PFKP: variants seen among roughly 807,000 people sequenced by gnomAD.
PFKP encodes phosphofructokinase, platelet, also known as ATP-dependent 6-phosphofructokinase, platelet type.
In PFKP, 101 loss-of-function variants were observed where a neutral mutation model predicts 94.3. The ratio of observed to expected loss-of-function variants is 1.07; its 90% CI spans 0.91 to 1.26. The LOEUF (loss-of-function observed/expected upper bound fraction) is 1.26, where lower values mean the gene tolerates loss of function less well. Ranked by LOEUF, PFKP falls within the 50% of genes most tolerant of loss-of-function variation. The pLI, the probability that PFKP is intolerant of heterozygous loss-of-function variation, is 0.00. For missense variants in PFKP, 1,145 were observed against 1,103.3 expected, an observed-to-expected ratio of 1.04 and a Z score of -0.53; for synonymous variants, 573 against 432.6, an observed-to-expected ratio of 1.32 and a Z score of -4.03.
chr10:3,095,912 CAG>C (rs1291755259), intron 2 of PFKP, among the ~76,000 whole-genome samples: 3 of 152,090 alleles, frequency 2.0e-5, no homozygotes, highest in African/African-American at 7.2e-5. Context: ...ATGCACTAGA[CAG>C]GGAGCATTGG....
At chr10:3,080,896 CAG>C (rs1424113623) in intron 1 of PFKP, among the ~76,000 whole-genome samples, 2 of 152,046 alleles carry the variant, frequency 1.3e-5, no homozygotes, top group Non-Finnish European at 2.9e-5. Flanking sequence ...GCGCCAGAGA[CAG>C]AGAAGAAAGT....
intron 10 of PFKP, among the ~76,000 whole-genome samples, chr10:3,109,870 G>A (rs557144703): frequency 5.3e-5 from 8 of 152,040 alleles, no homozygotes; most frequent in African/African-American, 7.2e-5. Flanking sequence ...GCAGGGAGGC[G>A]GGCGTGAGAG....
intron 7 of PFKP, among the ~76,000 whole-genome samples, chr10:3,105,890 C>T (rs1835494962): frequency 6.6e-6 from 1 of 152,204 alleles, no homozygotes; most frequent in African/African-American, 2.4e-5. Flanking sequence ...AGTTAATCCA[C>T]ATCATGGAGT....
rs1835551372 is a variant in PFKP at position 3,106,275 on chromosome 10, CAT to C, written c.774+775_774+776del. Among the ~76,000 whole-genome samples the C allele has an allele frequency of 2.1e-4, 12 of 57,708 alleles. 2 individuals are homozygous for C. The highest frequency in any genetic ancestry group is 2.0e-3 in the Admixed American group (10 of 4,948). The allele number at this position is 57,708 out of a possible 152,430, so 37.9% of individuals were successfully genotyped here. ...GTCCTTCCCCATGGGAGGCAGAAAG[CAT>C]GGCGTGCACGGGGCGCCTGTGGGGC... is the stretch of plus-strand genomic sequence containing the variant. On this transcript the variant is annotated intron_variant, in intron 7 of 21. Coordinates refer to ENST00000381125, the MANE Select transcript of PFKP (RefSeq NM_002627.5).
chr10:3,123,858 G>T (rs1837659911), intron 16 of PFKP, among the ~76,000 whole-genome samples: 1 of 152,256 alleles, frequency 6.6e-6, no homozygotes, highest in South Asian at 2.1e-4. Context: ...CCTGCACAGA[G>T]CGGCCCAAGA....
At chr10:3,078,743 C>T (rs1177866649) in intron 1 of PFKP, among the ~76,000 whole-genome samples, 3 of 152,222 alleles carry the variant, frequency 2.0e-5, no homozygotes, top group Non-Finnish European at 4.4e-5. Flanking sequence ...GTGTCAGGAG[C>T]TCTGCAGGCT....
intron 1 of PFKP, among the ~76,000 whole-genome samples, chr10:3,080,516 C>CAAAAAAAAAA (rs869281524): frequency 1.5e-5 from 1 of 68,666 alleles, no homozygotes; most frequent in African/African-American, 6.4e-5. Context: ...GACTCCGTCT[C>CAAAAAAAAAA]AAAAAAAAAA....
chr10:3,084,818 T>TTCCACCTCGTCCCAAGCACAGTCC (rs1229408544), intron 2 of PFKP, among the ~76,000 whole-genome samples: 7 of 43,000 alleles, frequency 1.6e-4, no homozygotes, highest in Non-Finnish European at 3.3e-4. Flanking sequence ...CAGTACAGTC[T>TTCCACCTCGTCCCAAGCACAGTCC]TCCACCTCGT....
rs77672781 is a variant in PFKP, at chr10:3,126,490, C to T, written c.1684-3329C>T. 3.0e-3 allele frequency among the ~76,000 whole-genome samples: 463 copies of T among 152,332 alleles called. 3 individuals carry two copies. The highest frequency in any genetic ancestry group is 0.01 in the African/African-American group (431 of 41,578). Reference sequence around the variant, plus strand: ...CACTTCCACCCTCGCGCCCCACACGCGACGCAGCCCTACCCTGGCCAGCAG... The same window carrying T: ...CACTTCCACCCTCGCGCCCCACACGTGACGCAGCCCTACCCTGGCCAGCAG... On this transcript the variant is annotated intron_variant, in intron 16 of 21. Coordinates refer to ENST00000381125, the MANE Select transcript of PFKP (RefSeq NM_002627.5).
rs144256759 is a variant in PFKP at position 3,134,386 on chromosome 10, A to G, written c.2023-97A>G. The G allele has an allele frequency of 1.2e-3, 908 of 773,456 alleles. 7 individuals are homozygous for G. Among genetic ancestry groups the G allele is most frequent in the Non-Finnish European group, 3.7e-4 (167 of 453,862 alleles). The allele number at this position is 773,456 out of a possible 1,614,324, so 47.9% of individuals were successfully genotyped here. A position where few individuals can be genotyped will look rare whatever the true frequency, so the allele number is the denominator to read the frequency against. The stretch of plus-strand genomic sequence containing the variant: ...GTTCCAACTATAAGGACCTAGAAAT[A>G]AAAACATGAATTCTGCAAAATAGAA... On this transcript the variant is annotated intron_variant, in intron 19 of 21. Coordinates refer to ENST00000381125, the MANE Select transcript of PFKP (RefSeq NM_002627.5).
At chr10:3,091,169 A>C (rs1003172755) in intron 2 of PFKP, among the ~76,000 whole-genome samples, 8 of 152,194 alleles carry the variant, frequency 5.3e-5, no homozygotes, top group African/African-American at 1.9e-4. Flanking sequence ...TTTGCCAGTT[A>C]ACCCATTCCT....
rs1348661841 is a variant in PFKP, at chr10:3,109,076, T to A, written c.964-279T>A. ...AATCCCAGGGCAGAAAGGCTGTGTT[T>A]CTAGTGAGTTTCTGGAAACTGACTC... On this transcript the variant is annotated intron_variant, in intron 9 of 21. Coordinates refer to ENST00000381125, the MANE Select transcript of PFKP (RefSeq NM_002627.5). Among the ~76,000 whole-genome samples the A allele has an allele frequency of 2.6e-3, 7 of 2,732 alleles. No individual in the cohort carries two copies. The East Asian group carries it at 0.5, about 195-fold the overall frequency. The allele number at this position is 2,732 out of a possible 152,430, so 1.8% of individuals were successfully genotyped here.
At chr10:3,109,166 A>T (rs1313192537) in intron 9 of PFKP, among the ~76,000 whole-genome samples, 189 bp from the exon 10 acceptor site, 3 of 151,854 alleles carry the variant, frequency 2.0e-5, no homozygotes, top group Non-Finnish European at 2.9e-5. Flanking sequence ...ATGTGCCCTG[A>T]CCTCCTCTCT....
At position 3,113,220 on chromosome 10, in the gene PFKP, C is replaced by T. The variant is rs552905949; in HGVS notation, c.1224+32C>T. The T allele has an allele frequency of 1.6e-5, 25 of 1,601,318 alleles. 1 individual carries two copies. In the South Asian group the frequency reaches 2.8e-4, roughly 18 times the overall value. ...GGCCGGCCTCCCGCGATGCCCCGAC[C>T]TCTCCTGCGGGCCTCCCCTCATGGC... is the stretch of plus-strand genomic sequence containing the variant. On this transcript the variant is annotated intron_variant, in intron 12 of 21. Coordinates refer to ENST00000381125, the MANE Select transcript of PFKP (RefSeq NM_002627.5).
chr10:3,096,544 C>A (rs1290186924), intron 2 of PFKP, among the ~76,000 whole-genome samples: 4 of 152,058 alleles, frequency 2.6e-5, no homozygotes, highest in African/African-American at 9.7e-5. Context: ...CATCATGGGT[C>A]ATCTTTTCTC....
At chr10:3,125,616 C>T (rs559367435) in intron 16 of PFKP, among the ~76,000 whole-genome samples, 8 of 152,264 alleles carry the variant, frequency 5.3e-5, no homozygotes, top group South Asian at 4.1e-4. Context: ...CCGGTAAGTA[C>T]GAGCTCCAGG....
At chr10:3,074,875 A>ACACACACACAC (rs1491499617) in intron 1 of PFKP, among the ~76,000 whole-genome samples, 4 of 147,336 alleles carry the variant, frequency 2.7e-5, no homozygotes, top group African/African-American at 1.0e-4. Flanking sequence ...GGAATTAAAG[A>ACACACACACAC]CACACACACA....
chr10:3,103,181 G>GT (rs1357572963), intron 4 of PFKP, among the ~76,000 whole-genome samples: 1 of 152,252 alleles, frequency 6.6e-6, no homozygotes, highest in African/African-American at 2.4e-5. Flanking sequence ...TTGCCAGGAA[G>GT]TACTGAGATG....
chr10:3,128,574 C>T (rs1030165607), intron 16 of PFKP, among the ~76,000 whole-genome samples: 1 of 152,366 alleles, frequency 6.6e-6, no homozygotes, highest in Middle Eastern at 3.4e-3. Context: ...GAGCGTCCCT[C>T]GTGGCCCGTT....
Sources: gnomAD v4.1 joint callset for allele counts (sites outside exome capture counted in the v4.1 genomes callset) on GRCh38, gnomAD v4.1.1 for gene constraint, MANE v1.5 for transcripts, NCBI Gene and HGNC (gene_info 2026-07-23, HGNC 2026-07-21) for gene names.